Variants in KIFAP3 observed in about 807,000 individuals in gnomAD.
The protein encoded by KIFAP3 is kinesin associated protein 3.
KIFAP3 carries 68 observed loss-of-function variants against 106.5 expected under a neutral mutation model. The ratio of observed to expected loss-of-function variants is 0.64; its 90% CI spans 0.53 to 0.78. The LOEUF (loss-of-function observed/expected upper bound fraction) is 0.78. Ranked by LOEUF, KIFAP3 falls within the 30% of genes least tolerant of loss-of-function variation. The pLI, the probability that KIFAP3 is intolerant of heterozygous loss-of-function variation, is 0.00. For synonymous variants in KIFAP3, 320 were observed against 311.5 expected, an observed-to-expected ratio of 1.03 and a Z score of -0.29; for missense variants, 780 against 941.8, an observed-to-expected ratio of 0.83 and a Z score of 2.25.
intron 17 of KIFAP3, among the ~76,000 whole-genome samples, chr1:169,968,045 T>C (rs1368217560): frequency 1.3e-5 from 2 of 151,908 alleles, no homozygotes; most frequent in Non-Finnish European, 2.9e-5. Context: ...AATACTTCTT[T>C]TCACAAGGAG....
At chr1:170,080,329 A>G (rs1672000237) in intron 1 of KIFAP3, among the ~76,000 whole-genome samples, 1 of 152,080 alleles carries the variant, frequency 6.6e-6, no homozygotes, top group Admixed American at 6.6e-5. Flanking sequence ...TATTATTAGA[A>G]CATCAATTTT....
chr1:169,966,991 T>C (rs902276280), intron 17 of KIFAP3, among the ~76,000 whole-genome samples: 1 of 150,974 alleles, frequency 6.6e-6, no homozygotes, highest in African/African-American at 2.4e-5. Flanking sequence ...GCTGACCATT[T>C]ATGTTTATGT....
chr1:170,053,599 C>T (rs1275229827), intron 2 of KIFAP3, among the ~76,000 whole-genome samples: 5 of 151,866 alleles, frequency 3.3e-5, no homozygotes, highest in African/African-American at 1.2e-4. Context: ...AACTATACTA[C>T]AAGGCTACAG....
chr1:170,006,739 G>A (rs758384176), intron 10 of KIFAP3, among the ~76,000 whole-genome samples: 19 of 152,224 alleles, frequency 1.2e-4, no homozygotes, highest in African/African-American at 2.6e-4. Context: ...GGCAGAGATC[G>A]GGAGCTTAAT....
intron 1 of KIFAP3, among the ~76,000 whole-genome samples, chr1:170,057,024 C>G (rs937106947): frequency 6.6e-6 from 1 of 152,012 alleles, no homozygotes; most frequent in Non-Finnish European, 1.5e-5. Flanking sequence ...CTAAGGAAAG[C>G]TGAAAACAGA....
intron 1 of KIFAP3, among the ~76,000 whole-genome samples, chr1:170,064,140 T>C (rs1671318955): frequency 6.6e-6 from 1 of 152,218 alleles, no homozygotes; most frequent in African/African-American, 2.4e-5. Context: ...TTAATGCCAA[T>C]AGCTTGAACA....
At chr1:170,010,183 T>G (rs187854971) in intron 10 of KIFAP3, among the ~76,000 whole-genome samples, 1 of 151,906 alleles carries the variant, frequency 6.6e-6, no homozygotes, top group African/African-American at 2.4e-5. Context: ...ACGAATAAAT[T>G]TGGCAATATT....
At chr1:170,082,243 A>G (rs1365420908) in intron 1 of KIFAP3, among the ~76,000 whole-genome samples, 1 of 152,230 alleles carries the variant, frequency 6.6e-6, no homozygotes, top group African/African-American at 2.4e-5. Flanking sequence ...AATGGATACT[A>G]CTTAGCATCA....
chr1:169,926,957 A>C (rs1377238489), intron 19 of KIFAP3, among the ~76,000 whole-genome samples: 1 of 152,184 alleles, frequency 6.6e-6, no homozygotes, highest in African/African-American at 2.4e-5. Context: ...GGATATTATA[A>C]AACTGTATGA....
rs138463519 is a variant in KIFAP3 at position 169,974,037 on chromosome 1, T to C, written c.1898-1439A>G. Reference sequence around the variant, plus strand: ...ATTGGATAGCAAATAACATGGAAAATAGAAGTGGAGATATTAGACTGTCAA... The same window carrying C: ...ATTGGATAGCAAATAACATGGAAAACAGAAGTGGAGATATTAGACTGTCAA... On this transcript the variant is annotated intron_variant, in intron 16 of 19. Transcript: ENST00000361580. 1.6e-4 allele frequency among the ~76,000 whole-genome samples: 25 copies of C among 151,766 alleles called. No homozygotes were observed. In the East Asian group the frequency reaches 2.9e-3, roughly 18 times the overall value.
chr1:169,921,661 G>C lies in KIFAP3; in HGVS notation c.*15C>G. 2 of 1,594,460 alleles carry C rather than the reference G, an allele frequency of 1.3e-6. No homozygotes were observed. Among genetic ancestry groups the C allele is most frequent in the Non-Finnish European group, 1.7e-6 (2 of 1,162,748 alleles). On this transcript the variant is annotated 3_prime_UTR_variant, in exon 20 of 20. Transcript: ENST00000361580. ...TTCTTCTAAGCTGAGATTACACATG[G>C]AAACAGATACTTTATCAAGATCCAT...
chr1:169,992,268 C>T lies in KIFAP3; in HGVS notation c.1184-13G>A, dbSNP rs1667143918. The T allele has an allele frequency of 7.0e-7, 1 of 1,425,060 alleles. No homozygotes were observed. The highest frequency in any genetic ancestry group is 2.0e-5 in the Admixed American group (1 of 48,984). 88.3% of individuals were successfully genotyped at this position (1,425,060 alleles called of 1,614,324 possible). On this transcript the variant is annotated splice_polypyrimidine_tract_variant and intron_variant, in intron 10 of 19. Coordinates refer to ENST00000361580, the MANE Select transcript of KIFAP3 (RefSeq NM_014970.4). Reference sequence around the variant, plus strand: ...TAGTTGTCATTGCCTAGGAATAAAACATCATGGTGATGATGCTATAAATAT... The same window carrying T: ...TAGTTGTCATTGCCTAGGAATAAAATATCATGGTGATGATGCTATAAATAT...
chr1:170,049,894 G>T (rs185205320), intron 2 of KIFAP3, among the ~76,000 whole-genome samples: 1 of 151,410 alleles, frequency 6.6e-6, no homozygotes, highest in South Asian at 2.1e-4. Context: ...AAAAACCAGC[G>T]CAAAAATGCT....
intron 18 of KIFAP3, among the ~76,000 whole-genome samples, chr1:169,957,133 A>T (rs975102717): frequency 2.6e-5 from 4 of 152,218 alleles, no homozygotes; most frequent in African/African-American, 9.6e-5. Flanking sequence ...GGGAAATATT[A>T]AAAAAGAATC....
chr1:169,928,699 C>CAAAAAAAAAA (rs10690029), intron 19 of KIFAP3, among the ~76,000 whole-genome samples: 1,092 of 37,694 alleles, frequency 0.029, 137 homozygotes, highest in African/African-American at 0.083. Flanking sequence ...ACCCTGTCTC[C>CAAAAAAAAAA]AAAAAAAAAA....
chr1:170,046,208 TGC>T (rs1670240207), intron 3 of KIFAP3, among the ~76,000 whole-genome samples: 2 of 14,196 alleles, frequency 1.4e-4, no homozygotes, highest in Non-Finnish European at 2.2e-4. Flanking sequence ...TTTTCTCTGC[TGC>T]AAAAAAAAAA....
At chr1:169,972,315 G>T (rs1336099678) in intron 17 of KIFAP3, among the ~76,000 whole-genome samples, 198 bp downstream of exon 17, 1 of 151,916 alleles carries the variant, frequency 6.6e-6, no homozygotes, top group Non-Finnish European at 1.5e-5. Flanking sequence ...CATCTTTAAG[G>T]AGCCGATGAC....
chr1:170,083,835 A>T (rs1040713087), intron 1 of KIFAP3, among the ~76,000 whole-genome samples: 2 of 152,230 alleles, frequency 1.3e-5, no homozygotes, highest in African/African-American at 2.4e-5. Context: ...CATATTGCCA[A>T]AGATTATTGC....
intron 10 of KIFAP3, among the ~76,000 whole-genome samples, chr1:169,993,062 T>C (rs1667177800): frequency 6.6e-6 from 1 of 151,604 alleles, no homozygotes. Context: ...CCAAGGTAGT[T>C]AGAAATTCTT....
Sources: allele counts gnomAD v4.1 joint callset (sites outside exome capture counted in the v4.1 genomes callset), GRCh38; gene constraint gnomAD v4.1.1; transcripts MANE v1.5; gene names NCBI Gene and HGNC (gene_info 2026-07-23, HGNC 2026-07-21).